The following NUGGC variants were observed in gnomAD, a reference collection of about 807,000 sequenced individuals.
The protein encoded by NUGGC is nuclear GTPase SLIP-GC.
In NUGGC, 58 loss-of-function variants were observed where a neutral mutation model predicts 92.6. The observed-to-expected ratio is 0.63, with a 90% CI of 0.51 to 0.78. The LOEUF is 0.78. NUGGC is among the 30% of genes least tolerant of loss of function. The pLI, the probability that NUGGC is intolerant of heterozygous loss-of-function variation, is 0.00. For missense variants in NUGGC, 925 were observed against 964.6 expected, an observed-to-expected ratio of 0.96 and a Z score of 0.54; for synonymous variants, 376 against 366.4, an observed-to-expected ratio of 1.03 and a Z score of -0.30.
At chr8:28,039,054 A>G (rs1280749231) in intron 13 of NUGGC, among the ~76,000 whole-genome samples, 14 of 152,088 alleles carry the variant, frequency 9.2e-5, no homozygotes, top group Admixed American at 9.2e-4. Context: ...CGCATGGAAG[A>G]CACTCCAGCT....
chr8:28,044,913 A>C (rs996516104), intron 12 of NUGGC, among the ~76,000 whole-genome samples: 1 of 152,372 alleles, frequency 6.6e-6, no homozygotes, highest in South Asian at 2.1e-4. Flanking sequence ...CTAATCTAGC[A>C]GCTTATCCCT....
At chr8:28,060,917 C>T (rs1300446400) in intron 7 of NUGGC, among the ~76,000 whole-genome samples, 2 of 152,238 alleles carry the variant, frequency 1.3e-5, no homozygotes, top group African/African-American at 4.8e-5. Context: ...GACACAGTGA[C>T]TGCACCAGGT....
chr8:28,036,029 T>C (rs1311394595), intron 13 of NUGGC, among the ~76,000 whole-genome samples: 1 of 151,580 alleles, frequency 6.6e-6, no homozygotes, highest in Non-Finnish European at 1.5e-5. Flanking sequence ...ACTACAGGGG[T>C]ATGCCACCAT....
At chr8:28,042,708 G>A (rs1809730884) in intron 12 of NUGGC, among the ~76,000 whole-genome samples, 1 of 152,192 alleles carries the variant, frequency 6.6e-6, no homozygotes, top group South Asian at 2.1e-4. Context: ...TCTTAGTCAT[G>A]CTCTTTTATT....
At chr8:28,026,573 T>C (rs184810182) in intron 18 of NUGGC, among the ~76,000 whole-genome samples, 99 of 152,316 alleles carry the variant, frequency 6.5e-4, no homozygotes, top group African/African-American at 2.2e-3. Flanking sequence ...GGATTTAAAT[T>C]AGCCGCTTTC....
chr8:28,023,867 T>A (rs13281311), intron 18 of NUGGC, among the ~76,000 whole-genome samples: 63,174 of 152,010 alleles, frequency 0.42, 16,102 homozygotes, highest in Middle Eastern at 0.57. Context: ...CAGGTTTTAA[T>A]CCCATGATCT....
At chr8:28,057,330 CTTTT>C (rs57167648) in intron 9 of NUGGC, among the ~76,000 whole-genome samples, 1 of 124,038 alleles carries the variant, frequency 8.1e-6, no homozygotes. Context: ...ATTTTCTTTC[CTTTT>C]TTTTTTTTTT....
chr8:28,035,840 G>T (rs924563473), intron 13 of NUGGC, among the ~76,000 whole-genome samples: 13 of 152,174 alleles, frequency 8.5e-5, no homozygotes, highest in Non-Finnish European at 1.9e-4. Flanking sequence ...TTGTTTGTTT[G>T]TTTTTTACTT....
intron 13 of NUGGC, among the ~76,000 whole-genome samples, chr8:28,038,810 C>T (rs986315067): frequency 3.9e-5 from 6 of 152,000 alleles, no homozygotes; most frequent in African/African-American, 1.2e-4. Flanking sequence ...GAAGTTAGGC[C>T]GGCCTGGGTT....
At chr8:28,048,403 T>C (rs1287200251) in intron 10 of NUGGC, among the ~76,000 whole-genome samples, 1 of 150,830 alleles carries the variant, frequency 6.6e-6, no homozygotes, top group Non-Finnish European at 1.5e-5. Context: ...GCCTTTTGGG[T>C]TTTTTGTTTG....
chr8:28,059,905 C>T (rs1315063556), intron 8 of NUGGC, among the ~76,000 whole-genome samples: 1 of 152,100 alleles, frequency 6.6e-6, no homozygotes, highest in Non-Finnish European at 1.5e-5. Flanking sequence ...CCTGTAATCC[C>T]AGCCACTCGG....
At chr8:28,050,292 G>T (rs1809960181) in intron 10 of NUGGC, among the ~76,000 whole-genome samples, 1 of 152,040 alleles carries the variant, frequency 6.6e-6, no homozygotes, top group African/African-American at 2.4e-5. Context: ...GGCTGAGGCA[G>T]GAGAATCGCT....
At chr8:28,067,437 C>T in intron 6 of NUGGC, 77 bp downstream of exon 6, 1 of 905,938 alleles carries the variant, frequency 1.1e-6, no homozygotes, top group Non-Finnish European at 1.8e-6. Context: ...GTACCACAAG[C>T]CCATCCCCTG....
chr8:28,051,847 A>G (rs568415762), intron 10 of NUGGC, among the ~76,000 whole-genome samples: 1 of 152,266 alleles, frequency 6.6e-6, no homozygotes, highest in South Asian at 2.1e-4. Flanking sequence ...GCTTGAACCC[A>G]GGAGGCGGAG....
chr8:28,034,630 A>G (rs1809509385), intron 13 of NUGGC, among the ~76,000 whole-genome samples: 1 of 152,180 alleles, frequency 6.6e-6, no homozygotes, highest in Non-Finnish European at 1.5e-5. Context: ...ATCCTGGCCA[A>G]CATGGTGAAA....
At chr8:28,064,985 AT>A (rs1810402851) in intron 6 of NUGGC, among the ~76,000 whole-genome samples, 1 of 152,170 alleles carries the variant, frequency 6.6e-6, no homozygotes, top group Admixed American at 6.5e-5. Flanking sequence ...TAGGGAAGTT[AT>A]AGTATTGCTG....
At chr8:28,023,553 T>C in intron 18 of NUGGC, 91 bp from the exon 19 acceptor site, 1 of 1,288,780 alleles carries the variant, frequency 7.8e-7, no homozygotes, top group Non-Finnish European at 1.1e-6. Flanking sequence ...CTGTCACTTG[T>C]CCCAGAATAT....
intron 4 of NUGGC, among the ~76,000 whole-genome samples, chr8:28,068,855 G>A (rs555677672): frequency 1.2e-4 from 18 of 152,226 alleles, no homozygotes; most frequent in African/African-American, 4.3e-4. Flanking sequence ...CCTTGCCTCA[G>A]CCTCTGAAGT....
chr8:28,044,581 C>T (rs1474359850), intron 12 of NUGGC, among the ~76,000 whole-genome samples: 2 of 152,204 alleles, frequency 1.3e-5, no homozygotes, highest in African/African-American at 4.8e-5. Context: ...AAGTTGGAAG[C>T]AGGAACAGAG....
Sources: gnomAD v4.1 joint callset for allele counts (sites outside exome capture counted in the v4.1 genomes callset) on GRCh38, gnomAD v4.1.1 for gene constraint, MANE v1.5 for transcripts, NCBI Gene and HGNC (gene_info 2026-07-23, HGNC 2026-07-21) for gene names.